Variants in HERC1 observed in about 807,000 individuals in gnomAD.
The protein encoded by HERC1 is HECT and RLD domain containing E3 ubiquitin protein ligase family member 1.
Under a neutral mutation model 554.3 loss-of-function variants are expected in HERC1, and 160 were observed. The observed-to-expected ratio is 0.29, with a 90% CI of 0.25 to 0.33. The LOEUF (loss-of-function observed/expected upper bound fraction) is 0.33. HERC1 is among the 10% of genes least tolerant of loss of function. The pLI is 1.00. For missense variants in HERC1, 4,919 were observed against 5,918.5 expected (o/e 0.83, Z 5.54); for synonymous variants, 2,175 against 2,131.7 (o/e 1.02, Z -0.56).
rs748452795 is a variant in HERC1, at chr15:63,694,314, A to G, written c.5478T>C (p.Thr1826=). 4 of 1,611,846 alleles carry G rather than the reference A, an allele frequency of 2.5e-6. No homozygotes were observed. ...ACAAAGACATCTACCATACTTACCCAGTAGTGATGGCTAGAATCTGGAGCA... is the reference window on the plus strand; with the variant it reads ...ACAAAGACATCTACCATACTTACCCGGTAGTGATGGCTAGAATCTGGAGCA... The part of the protein sequence containing the change: ...TRLLQILAIT[T]GTYADKLSPK... Residue 1826 remains threonine (T), a splice_region_variant and synonymous_variant, in exon 29 of 78, where the codon ACT becomes ACC. Coordinates refer to ENST00000443617, the MANE Select transcript of HERC1 (RefSeq NM_003922.4). The surrounding 1 kb of genome is among the most constrained non-coding windows in gnomAD (Gnocchi z 4.3).
At chr15:63,634,697 T>C (rs1265773024) in intron 66 of HERC1, 36 bp downstream of exon 66, 10 of 1,572,012 alleles carry the variant, frequency 6.4e-6, no homozygotes, top group Non-Finnish European at 8.7e-6. Flanking sequence ...TGAGAAACAA[T>C]GATCAGCTAG....
chr15:63,706,588 A>T (rs2073017271), intron 25 of HERC1, among the ~76,000 whole-genome samples, 192 bp downstream of exon 25: 1 of 152,216 alleles, frequency 6.6e-6, no homozygotes, highest in Admixed American at 6.5e-5. Context: ...CATATTTTAA[A>T]GAAAATAGTC....
chr15:63,754,084 G>A (rs954900465), intron 7 of HERC1, among the ~76,000 whole-genome samples: 17 of 151,988 alleles, frequency 1.1e-4, no homozygotes, highest in Non-Finnish European at 2.2e-4. Context: ...TGAGGCAGGA[G>A]GATCGCTTGA....
intron 70 of HERC1, 148 bp from the exon 71 acceptor site, chr15:63,626,302 G>C: frequency 1.3e-6 from 1 of 742,522 alleles, no homozygotes; most frequent in Non-Finnish European, 2.1e-6. Flanking sequence ...ATCTTAGTTT[G>C]GTGTGTGCAT....
chr15:63,672,387 T>C, intron 39 of HERC1, 109 bp downstream of exon 39: 2 of 715,540 alleles, frequency 2.8e-6, no homozygotes, highest in Non-Finnish European at 4.4e-6. Flanking sequence ...AGTTTCTTTC[T>C]AGCTCTAGAA....
chr15:63,744,171 T>TGTGA (rs1199446295), intron 12 of HERC1, among the ~76,000 whole-genome samples: 3 of 42,080 alleles, frequency 7.1e-5, no homozygotes, highest in Non-Finnish European at 2.2e-4. Flanking sequence ...TGTGTCTCTC[T>TGTGA]CTCTCTCTCT....
At chr15:63,661,366 A>C (rs909307622) in intron 45 of HERC1, among the ~76,000 whole-genome samples, 3 of 152,230 alleles carry the variant, frequency 2.0e-5, no homozygotes, top group African/African-American at 7.2e-5. Context: ...TAAAGAGATA[A>C]TATTTTTATG....
intron 25 of HERC1, among the ~76,000 whole-genome samples, chr15:63,701,977 A>G (rs1005303135): frequency 1.3e-5 from 2 of 152,226 alleles, no homozygotes; most frequent in Non-Finnish European, 2.9e-5. Context: ...TATATAAAGA[A>G]AATACAAAAT....
chr15:63,614,826 T>C (rs1399836511), intron 76 of HERC1, among the ~76,000 whole-genome samples: 1 of 152,200 alleles, frequency 6.6e-6, no homozygotes, highest in Non-Finnish European at 1.5e-5. Flanking sequence ...TCAAATGAAA[T>C]AGAAAATGCA....
chr15:63,774,385 T>C (rs1314847517), intron 2 of HERC1, among the ~76,000 whole-genome samples: 1 of 152,130 alleles, frequency 6.6e-6, no homozygotes, highest in Non-Finnish European at 1.5e-5. Flanking sequence ...TGCTGATCAC[T>C]AGCCAAAATC....
chr15:63,803,847 T>C (rs1596295738), intron 1 of HERC1, among the ~76,000 whole-genome samples: 3 of 152,186 alleles, frequency 2.0e-5, no homozygotes, highest in African/African-American at 7.2e-5. Flanking sequence ...AAGATGTACA[T>C]TATCTGACTT....
chr15:63,731,487 T>G (rs8039113), intron 14 of HERC1, among the ~76,000 whole-genome samples: 26 of 152,178 alleles, frequency 1.7e-4, no homozygotes, highest in Non-Finnish European at 3.5e-4. Flanking sequence ...CCTTATAACT[T>G]TGGGAAAAAT....
intron 68 of HERC1, chr15:63,632,407 A>T: frequency 4.8e-6 from 2 of 416,792 alleles, no homozygotes; most frequent in Non-Finnish European, 8.9e-6. Context: ...CTGATGGTCA[A>T]GGCAGTATTT....
At chr15:63,823,931 G>A (rs2077793211) in intron 1 of HERC1, among the ~76,000 whole-genome samples, 1 of 152,158 alleles carries the variant, frequency 6.6e-6, no homozygotes, top group Non-Finnish European at 1.5e-5. Context: ...AAATGCGTAA[G>A]GAACTCACAC....
chr15:63,709,114 C>T (rs911103915), intron 24 of HERC1, among the ~76,000 whole-genome samples: 10 of 152,036 alleles, frequency 6.6e-5, no homozygotes, highest in Non-Finnish European at 1.2e-4. Context: ...CTCAGCCTCC[C>T]GAGTAGCTGG....
chr15:63,671,069 A>G (rs371409376), intron 39 of HERC1, among the ~76,000 whole-genome samples: 30 of 151,920 alleles, frequency 2.0e-4, no homozygotes, highest in East Asian at 1.4e-3. Context: ...CGGGAGTGGT[A>G]GCACATGCCT....
In HERC1 at chr15:63,706,664, T is replaced by G. The variant is rs17186968; in HGVS notation, c.4636+116A>C. On this transcript the variant is annotated intron_variant, in intron 25 of 77. Coordinates refer to ENST00000443617, the MANE Select transcript of HERC1 (RefSeq NM_003922.4). The stretch of plus-strand genomic sequence containing the variant: ...TGCAGTTACATTTCAAAGACAATCA[T>G]ATCTAAATACATCAGATATAAAAAC... The G allele has an allele frequency of 0.31, 168,166 of 547,770 alleles. 28,684 individuals carry two copies. Among genetic ancestry groups the G allele is most frequent in the Middle Eastern group, 0.38 (782 of 2,082 alleles). The allele number at this position is 547,770 out of a possible 1,614,324, so 33.9% of individuals were successfully genotyped here.
chr15:63,720,008 G>C (rs1262910612), intron 19 of HERC1, among the ~76,000 whole-genome samples: 1 of 149,700 alleles, frequency 6.7e-6, no homozygotes, highest in African/African-American at 2.5e-5. Context: ...GGTAAGAAAT[G>C]AAACAACATT....
intron 2 of HERC1, among the ~76,000 whole-genome samples, chr15:63,766,907 A>G (rs2075797613): frequency 6.6e-6 from 1 of 151,072 alleles, no homozygotes; most frequent in South Asian, 2.1e-4. Context: ...GAAACTCCCA[A>G]CCCCAGGTGA....
Sources: gnomAD v4.1 joint callset for allele counts (sites outside exome capture counted in the v4.1 genomes callset) on GRCh38, gnomAD v4.1.1 for gene constraint, Gnocchi (gnomAD v3.1) non-coding constraint, MANE v1.5 for transcripts, NCBI Gene and HGNC (gene_info 2026-07-23, HGNC 2026-07-21) for gene names.